COG5: variants seen among roughly 807,000 people sequenced by gnomAD.
COG5 encodes the protein conserved oligomeric Golgi complex subunit 5.
Under a neutral mutation model 110.4 loss-of-function variants are expected in COG5, and 86 were observed. That is an observed-to-expected ratio of 0.78 (90% CI 0.65 to 0.93). COG5 has a LOEUF of 0.93. COG5 is among the 40% of genes least tolerant of loss of function. The probability of loss-of-function intolerance (pLI) is 0.00; values close to 1 mark genes in which losing one functional copy is unlikely to be tolerated. For synonymous variants in COG5, 360 were observed against 334.6 expected (o/e 1.08, Z -0.83); for missense variants, 1,077 against 987.0 (o/e 1.09, Z -1.22).
At chr7:107,519,160 G>A (rs1800150098) in intron 6 of COG5, among the ~76,000 whole-genome samples, 1 of 152,088 alleles carries the variant, frequency 6.6e-6, no homozygotes, top group South Asian at 2.1e-4. Context: ...AGTGTTTAGA[G>A]GGAAATTTAT....
intron 6 of COG5, among the ~76,000 whole-genome samples, chr7:107,464,017 A>C (rs1376696042): frequency 6.6e-6 from 1 of 152,148 alleles, no homozygotes; most frequent in Admixed American, 6.5e-5. Flanking sequence ...GCTAAAAAAA[A>C]GTCTGAATTT....
intron 7 of COG5, among the ~76,000 whole-genome samples, chr7:107,377,876 C>T (rs2129051969): frequency 6.6e-6 from 1 of 152,324 alleles, no homozygotes. Context: ...GCAACTACAG[C>T]AGACTCAAAT....
chr7:107,403,870 A>T (rs942127010), intron 7 of COG5, among the ~76,000 whole-genome samples: 1 of 152,184 alleles, frequency 6.6e-6, no homozygotes, highest in East Asian at 1.9e-4. Context: ...TGAAGTGACA[A>T]TTTATCTGCA....
intron 5 of COG5, among the ~76,000 whole-genome samples, chr7:107,546,438 T>G (rs1196829190): frequency 6.9e-6 from 1 of 145,674 alleles, no homozygotes; most frequent in Non-Finnish European, 1.5e-5. Context: ...GTTTTTTGTT[T>G]TTTTTTTTTT....
chr7:107,340,692 T>C (rs569650727), intron 10 of COG5, among the ~76,000 whole-genome samples: 11 of 152,162 alleles, frequency 7.2e-5, no homozygotes, highest in Admixed American at 5.2e-4. Context: ...CATGATCGAG[T>C]TGGCTTCATT....
chr7:107,505,363 G>C (rs1798918596), intron 6 of COG5, among the ~76,000 whole-genome samples: 1 of 152,166 alleles, frequency 6.6e-6, no homozygotes, highest in Non-Finnish European at 1.5e-5. Flanking sequence ...AGCCACCTTA[G>C]CTCCCTTGTC....
At chr7:107,447,708 G>T (rs923417421) in intron 6 of COG5, among the ~76,000 whole-genome samples, 1 of 152,154 alleles carries the variant, frequency 6.6e-6, no homozygotes, top group African/African-American at 2.4e-5. Flanking sequence ...TGGTAGTTTA[G>T]ATTAAATCCC....
rs1186557262 is a variant in COG5 at position 107,288,903 on chromosome 7, CAG to C, written c.1314-5173_1314-5172del. Among the ~76,000 whole-genome samples, 138 of 81,292 alleles carry C rather than the reference CAG, an allele frequency of 1.7e-3. 2 individuals carry two copies. Among genetic ancestry groups the C allele is most frequent in the African/African-American group, 5.2e-3 (121 of 23,456 alleles). The allele number at this position is 81,292 out of a possible 152,430, so 53.3% of individuals were successfully genotyped here. A position where few individuals can be genotyped will look rare whatever the true frequency, so the allele number is the denominator to read the frequency against. On this transcript the variant is annotated intron_variant, in intron 12 of 21. Coordinates refer to ENST00000297135, the MANE Select transcript of COG5 (RefSeq NM_006348.5). Reference sequence around the variant, plus strand: ...GAAGATTTGCCCCTATGTTTTCTAACAGAGATATATATATATATATATATATA... The same window carrying C: ...GAAGATTTGCCCCTATGTTTTCTAACAGATATATATATATATATATATATA...
intron 6 of COG5, among the ~76,000 whole-genome samples, chr7:107,521,310 A>G (rs1385954785): frequency 6.6e-6 from 1 of 152,222 alleles, no homozygotes; most frequent in Non-Finnish European, 1.5e-5. Context: ...TAATTAAACT[A>G]AAGAGCTTCT....
Position 107,230,682 on chromosome 7 carries a change from C to G in COG5, c.2101G>C (p.Ala701Pro). 6.2e-7 allele frequency: 1 copy of G among 1,609,224 alleles called. No individual in the cohort carries two copies. Among genetic ancestry groups the G allele is most frequent in the Non-Finnish European group, 8.5e-7 (1 of 1,175,652 alleles). The change falls in exon 19 of 22, where the codon GCT (alanine) becomes CCT (proline). Residue 701 changes from alanine to proline, a missense_variant. By Grantham distance (27) the Ala-to-Pro change is conservative. Coordinates refer to ENST00000297135, the MANE Select transcript of COG5 (RefSeq NM_006348.5). ...ACTCGTCTACAGAATGGACCCACAG[C>G]CAACTCCATCTGAAATATTAAAATA... is the stretch of plus-strand genomic sequence containing the variant. Reference protein sequence around the residue: ...LAADFAQMELAVGPFCRRVSD... With the variant: ...LAADFAQMELPVGPFCRRVSD...
At chr7:107,468,473 G>A (rs1421686008) in intron 6 of COG5, among the ~76,000 whole-genome samples, 1 of 151,658 alleles carries the variant, frequency 6.6e-6, no homozygotes, top group Non-Finnish European at 1.5e-5. Context: ...TTTATAAATG[G>A]CTGGCATTCT....
chr7:107,514,626 C>G (rs1799789413), intron 6 of COG5, among the ~76,000 whole-genome samples: 1 of 152,076 alleles, frequency 6.6e-6, no homozygotes, highest in African/African-American at 2.4e-5. Context: ...GCTTTAGAAT[C>G]AGATTTTTAC....
At chr7:107,224,112 GA>G (rs1445682567) in intron 19 of COG5, among the ~76,000 whole-genome samples, 2 of 152,090 alleles carry the variant, frequency 1.3e-5, no homozygotes, top group Admixed American at 6.5e-5. Context: ...TAAGAATCCC[GA>G]AACCTCAGAG....
intron 6 of COG5, chr7:107,450,182 C>A: frequency 6.4e-6 from 1 of 155,130 alleles, no homozygotes. Flanking sequence ...AATCAGCCAT[C>A]CTGCCAAGTA....
chr7:107,205,900 C>CT (rs1490200028), intron 21 of COG5, among the ~76,000 whole-genome samples: 4 of 151,856 alleles, frequency 2.6e-5, no homozygotes, highest in African/African-American at 9.7e-5. Context: ...GGCAGGAGTA[C>CT]TTTAAATCAG....
chr7:107,359,258 A>C (rs978548043), intron 10 of COG5, among the ~76,000 whole-genome samples: 1 of 152,196 alleles, frequency 6.6e-6, no homozygotes, highest in African/African-American at 2.4e-5. Context: ...TTCACAGCAC[A>C]ACTGAGGCCG....
chr7:107,488,409 A>AG (rs1203100082), intron 6 of COG5, among the ~76,000 whole-genome samples: 7 of 152,164 alleles, frequency 4.6e-5, no homozygotes. Flanking sequence ...TAAGACATCC[A>AG]GGTCTTGTTT....
At chr7:107,357,521 T>G (rs930590506) in intron 10 of COG5, among the ~76,000 whole-genome samples, 22 of 152,232 alleles carry the variant, frequency 1.4e-4, no homozygotes, top group African/African-American at 5.3e-4. Context: ...GTGAGAATAG[T>G]GTCTGAAACA....
At chr7:107,468,383 G>A (rs527944199) in intron 6 of COG5, among the ~76,000 whole-genome samples, 1 of 151,808 alleles carries the variant, frequency 6.6e-6, no homozygotes, top group Non-Finnish European at 1.5e-5. Flanking sequence ...TGCTTTCTCT[G>A]GTCTTAGTTT....
Sources: allele counts gnomAD v4.1 joint callset (sites outside exome capture counted in the v4.1 genomes callset), GRCh38; gene constraint gnomAD v4.1.1; transcripts MANE v1.5; gene names NCBI Gene and HGNC (gene_info 2026-07-23, HGNC 2026-07-21).